HDAC9: variants seen among roughly 807,000 people sequenced by gnomAD.
HDAC9 encodes the protein histone deacetylase 9.
A neutral mutation model predicts 139.4 loss-of-function variants in HDAC9; 41 were observed. That is an observed-to-expected ratio of 0.29 (90% CI 0.23 to 0.38). The LOEUF (loss-of-function observed/expected upper bound fraction) is 0.38, where lower values mean the gene tolerates loss of function less well. Ranked by LOEUF, HDAC9 falls within the 10% of genes least tolerant of loss-of-function variation. HDAC9 has a pLI of 1.00. For synonymous variants in HDAC9, 517 were observed against 476.2 expected (o/e 1.09, Z -1.12); for missense variants, 1,147 against 1,297.0 (o/e 0.88, Z 1.78).
At chr7:18,844,194 T>G (rs2129218041) in intron 21 of HDAC9, among the ~76,000 whole-genome samples, 1 of 152,328 alleles carries the variant, frequency 6.6e-6, no homozygotes, top group African/African-American at 2.4e-5. Context: ...CCCATCTTTC[T>G]TGTGGGCACT....
chr7:18,661,876 G>GTT (rs1793285204), intron 11 of HDAC9, among the ~76,000 whole-genome samples: 1 of 152,072 alleles, frequency 6.6e-6, no homozygotes, highest in Non-Finnish European at 1.5e-5. Flanking sequence ...ATCAAAAATT[G>GTT]TTATATATAC....
chr7:18,147,372 A>G (rs1306930678), intron 1 of HDAC9, among the ~76,000 whole-genome samples: 1 of 152,184 alleles, frequency 6.6e-6, no homozygotes, highest in Non-Finnish European at 1.5e-5. Flanking sequence ...TGGATTAAAT[A>G]TTGATGTTTG....
At chr7:18,459,223 A>G (rs1200323492) in intron 1 of HDAC9, among the ~76,000 whole-genome samples, 1 of 152,164 alleles carries the variant, frequency 6.6e-6, no homozygotes, top group East Asian at 1.9e-4. Flanking sequence ...CTCCTTAGCC[A>G]CAACTGCCTG....
chr7:18,536,898 T>TA (rs1811093885), intron 2 of HDAC9, among the ~76,000 whole-genome samples: 1 of 152,220 alleles, frequency 6.6e-6, no homozygotes, highest in African/African-American at 2.4e-5. Flanking sequence ...TTTAAAAAGT[T>TA]AACACATTTA....
intron 22 of HDAC9, among the ~76,000 whole-genome samples, chr7:18,888,697 A>C (rs1468935702): frequency 6.6e-6 from 1 of 152,156 alleles, no homozygotes; most frequent in Non-Finnish European, 1.5e-5. Flanking sequence ...ATCTCTTTAC[A>C]TGGTTAATGT....
chr7:18,877,622 A>G (rs538410452), intron 22 of HDAC9, among the ~76,000 whole-genome samples: 3 of 152,202 alleles, frequency 2.0e-5, no homozygotes, highest in Non-Finnish European at 4.4e-5. Context: ...ATCTTTTAAA[A>G]TAGTTTTGTT....
Position 18,998,722 on chromosome 7 carries a change from A to T in HDAC9, c.*2660A>T, listed in dbSNP as rs1786599245. 1 of 152,234 alleles carries T rather than the reference A, an allele frequency of 6.6e-6. No homozygotes were observed. The highest frequency in any genetic ancestry group is 2.4e-5 in the African/African-American group (1 of 41,462). 9.4% of individuals were successfully genotyped at this position (152,234 alleles called of 1,614,324 possible). ...CAGTTGTTCTGAATGAGAGGCTAGA[A>T]GAGTATTATCAATTTTGCATCTCCT... On this transcript the variant is annotated 3_prime_UTR_variant, in exon 26 of 26. Coordinates refer to ENST00000686413, the MANE Select transcript of HDAC9 (RefSeq NM_178425.4).
At chr7:18,988,469 A>T (rs1327024114) in intron 25 of HDAC9, among the ~76,000 whole-genome samples, 3 of 150,814 alleles carry the variant, frequency 2.0e-5, no homozygotes, top group Non-Finnish European at 4.4e-5. Flanking sequence ...TGCTGAGGAG[A>T]GCTTTACTTC....
rs748991990 is a variant in HDAC9, at chr7:18,585,340, A to G, written c.82A>G (p.Thr28Ala). 33 of 1,613,270 alleles carry G rather than the reference A, an allele frequency of 2.0e-5. No homozygotes were observed. Among genetic ancestry groups the G allele is most frequent in the Non-Finnish European group, 2.7e-5 (32 of 1,179,788 alleles). ...GCCCATCTCACCTTTAGACCTAAGGACAGACCTCAGGATGATGATGCCCGT... is the reference window on the plus strand; with the variant it reads ...GCCCATCTCACCTTTAGACCTAAGGGCAGACCTCAGGATGATGATGCCCGT... Reference protein sequence around the residue: ...LEPISPLDLRTDLRMMMPVVD... With the variant: ...LEPISPLDLRADLRMMMPVVD... The change falls in exon 3 of 26, where the codon ACA becomes GCA. Residue 28 changes from threonine (T) to alanine (A), a missense_variant. By Grantham distance (58) the Thr-to-Ala change is moderately conservative (BLOSUM62 0). Around this residue, in one of 7 missense-constraint regions of HDAC9, gnomAD observed 136 missense variants for 183.5 expected, o/e 0.74. Transcript: ENST00000686413.
intron 16 of HDAC9, among the ~76,000 whole-genome samples, chr7:18,772,496 T>G (rs1333924916): frequency 6.6e-6 from 1 of 152,062 alleles, no homozygotes; most frequent in Admixed American, 6.6e-5. Flanking sequence ...GGGTAGCATC[T>G]GCTTCTCACA....
At chr7:18,193,686 T>C (rs952725046) in intron 2 of HDAC9, among the ~76,000 whole-genome samples, 14 of 152,340 alleles carry the variant, frequency 9.2e-5, no homozygotes, top group African/African-American at 3.4e-4. Flanking sequence ...TTGATTTATA[T>C]TGAACTTTCT....
At chr7:18,925,918 TTTCCTCAAAAAA>T (rs66541329) in intron 22 of HDAC9, among the ~76,000 whole-genome samples, 26,712 of 152,032 alleles carry the variant, frequency 0.18, 2,679 homozygotes, top group East Asian at 0.37. Context: ...CTTCTTTACT[TTTCCTCAAAAAA>T]TTGCTCTCTG....
At chr7:18,992,175 A>G (rs1338121354) in intron 25 of HDAC9, among the ~76,000 whole-genome samples, 1 of 152,216 alleles carries the variant, frequency 6.6e-6, no homozygotes, top group Non-Finnish European at 1.5e-5. Context: ...TTCTCAGCAT[A>G]AGTCTTTAGA....
intron 2 of HDAC9, among the ~76,000 whole-genome samples, chr7:18,504,787 T>G (rs1430320302): frequency 6.6e-6 from 1 of 152,238 alleles, no homozygotes; most frequent in Non-Finnish European, 1.5e-5. Context: ...TGTTTTACAG[T>G]TGAGGAAATA....
chr7:18,922,083 T>TGGG (rs527469781), intron 22 of HDAC9, among the ~76,000 whole-genome samples: 8 of 76,288 alleles, frequency 1.0e-4, no homozygotes, highest in Admixed American at 1.6e-4. Context: ...TGTTGTGGGG[T>TGGG]GGGGGGAGGG....
chr7:18,457,330 A>G (rs1793433224), intron 1 of HDAC9, among the ~76,000 whole-genome samples: 1 of 152,244 alleles, frequency 6.6e-6, no homozygotes, highest in South Asian at 2.1e-4. Context: ...ATGAAATAGA[A>G]CTGTCATTAA....
At chr7:18,304,703 T>C (rs1418241164) in intron 1 of HDAC9, among the ~76,000 whole-genome samples, 2 of 152,210 alleles carry the variant, frequency 1.3e-5, no homozygotes, top group Non-Finnish European at 2.9e-5. Flanking sequence ...ACACTGTTGA[T>C]ATTAAATTAA....
chr7:18,993,142 T>A (rs55988003), intron 25 of HDAC9, among the ~76,000 whole-genome samples: 96,354 of 151,336 alleles, frequency 0.64, 31,127 homozygotes, highest in African/African-American at 0.7. Context: ...TAGACATATT[T>A]TTTGATTATA....
At chr7:18,762,782 C>T (rs965963839) in intron 15 of HDAC9, among the ~76,000 whole-genome samples, 10 of 152,088 alleles carry the variant, frequency 6.6e-5, no homozygotes, top group Non-Finnish European at 1.5e-5. Flanking sequence ...ATTGCCTTAC[C>T]TTTGGAATTA....
Sources: gnomAD v4.1 joint callset for allele counts (sites outside exome capture counted in the v4.1 genomes callset) on GRCh38, gnomAD v4.1.1 for gene constraint, gnomAD v4.1.1 regional missense constraint, MANE v1.5 for transcripts, NCBI Gene and HGNC (gene_info 2026-07-23, HGNC 2026-07-21) for gene names.